The following ITPRID1 variants were observed in gnomAD, a reference collection of about 807,000 sequenced individuals.
ITPRID1 encodes ITPR interacting domain containing 1, also known as protein ITPRID1.
Under a neutral mutation model 95.4 loss-of-function variants are expected in ITPRID1, and 96 were observed. That is an observed-to-expected ratio of 1.01 (90% CI 0.85 to 1.19). The LOEUF is 1.19. Ranked by LOEUF, ITPRID1 falls within the 50% of genes most tolerant of loss-of-function variation. ITPRID1 has a pLI of 0.00. For synonymous variants in ITPRID1, 510 were observed against 453.6 expected, an observed-to-expected ratio of 1.12 and a Z score of -1.58; for missense variants, 1,339 against 1,252.9, an observed-to-expected ratio of 1.07 and a Z score of -1.04.
At chr7:31,529,655 A>G (rs1783531165) in intron 1 of ITPRID1, 7 of 872,126 alleles carry the variant, frequency 8.0e-6, no homozygotes, top group Non-Finnish European at 1.1e-5. Context: ...TTTAAATAGG[A>G]GCAGACAGAA....
At chr7:31,616,310 AGGGT>A (rs1414793417) in intron 10 of ITPRID1, among the ~76,000 whole-genome samples, 36 of 152,134 alleles carry the variant, frequency 2.4e-4, no homozygotes, top group African/African-American at 8.2e-4. Flanking sequence ...TTATCCCTTC[AGGGT>A]CTAGTAGTGA....
intron 5 of ITPRID1, 86 bp downstream of exon 5, chr7:31,554,987 G>A: frequency 2.0e-6 from 2 of 1,013,034 alleles, no homozygotes; most frequent in South Asian, 2.9e-5. Context: ...CTTAAAATGA[G>A]CATTATCAGA....
intron 10 of ITPRID1, among the ~76,000 whole-genome samples, chr7:31,596,834 C>T (rs1335377947): frequency 1.3e-5 from 2 of 151,544 alleles, no homozygotes; most frequent in African/African-American, 4.8e-5. Flanking sequence ...TTAGTTTTTA[C>T]TATCTAAAAT....
At chr7:31,550,461 A>G (rs1335337823) in intron 2 of ITPRID1, among the ~76,000 whole-genome samples, 1 of 152,158 alleles carries the variant, frequency 6.6e-6, no homozygotes, top group Non-Finnish European at 1.5e-5. Context: ...GTCTGCAGGC[A>G]GTCACATGCC....
chr7:31,613,242 A>G (rs1172116976), intron 10 of ITPRID1, among the ~76,000 whole-genome samples: 1 of 152,172 alleles, frequency 6.6e-6, no homozygotes, highest in African/African-American at 2.4e-5. Flanking sequence ...AGGGTAAGTT[A>G]AAGTGCCACG....
intron 10 of ITPRID1, among the ~76,000 whole-genome samples, chr7:31,641,114 G>A (rs1005952555): frequency 6.6e-6 from 1 of 152,128 alleles, no homozygotes. Flanking sequence ...GTTGTCTACA[G>A]GGAGAAGAAT....
chr7:31,520,280 G>A (rs1783198016), intron 1 of ITPRID1, among the ~76,000 whole-genome samples: 1 of 152,066 alleles, frequency 6.6e-6, no homozygotes, highest in African/African-American at 2.4e-5. Context: ...CTGAACACCT[G>A]CCTGAGATAG....
chr7:31,605,917 C>A (rs1272270464), intron 10 of ITPRID1, among the ~76,000 whole-genome samples: 1 of 152,170 alleles, frequency 6.6e-6, no homozygotes, highest in Non-Finnish European at 1.5e-5. Flanking sequence ...ATGATGATAT[C>A]TGACATGGTC....
chr7:31,641,477 G>GAA (rs5883299), intron 10 of ITPRID1, among the ~76,000 whole-genome samples: 2 of 150,994 alleles, frequency 1.3e-5, no homozygotes, highest in African/African-American at 4.9e-5. Context: ...TTAAAGAAGA[G>GAA]AAAAAAAAAT....
intron 10 of ITPRID1, among the ~76,000 whole-genome samples, chr7:31,603,123 A>G (rs956163995): frequency 6.6e-6 from 1 of 152,050 alleles, no homozygotes; most frequent in African/African-American, 2.4e-5. Flanking sequence ...TTGAATGCCA[A>G]TTTGGAGACG....
rs889595651 is a variant in ITPRID1 at position 31,653,843 on chromosome 7, T to C, written c.*1014T>C. ...AACACAGAAGGGAATCCGATTTAGA[T>C]CAATGTTCAGACAGCCCTGGTTGAG... On this transcript the variant is annotated 3_prime_UTR_variant, in exon 15 of 15. Coordinates refer to ENST00000615280, the MANE Select transcript of ITPRID1 (RefSeq NM_001257967.3). 6.6e-6 allele frequency among the ~76,000 whole-genome samples: 1 copy of C among 152,082 alleles called. No individual in the cohort carries two copies. Among genetic ancestry groups the C allele is most frequent in the Non-Finnish European group, 1.5e-5 (1 of 68,004 alleles).
intron 9 of ITPRID1, among the ~76,000 whole-genome samples, chr7:31,582,619 T>TA (rs1398561340): frequency 1.3e-5 from 2 of 152,168 alleles, no homozygotes; most frequent in African/African-American, 4.8e-5. Context: ...TTAGAAGTAA[T>TA]ATGCATTATT....
At chr7:31,525,667 T>A (rs56142405) in intron 1 of ITPRID1, among the ~76,000 whole-genome samples, 35,779 of 152,018 alleles carry the variant, frequency 0.24, 4,360 homozygotes, top group East Asian at 0.41. Flanking sequence ...TTGGGGAGCA[T>A]GCATGATGTG....
chr7:31,646,268 C>T (rs1362908574), intron 12 of ITPRID1, among the ~76,000 whole-genome samples: 8 of 152,182 alleles, frequency 5.3e-5, no homozygotes, highest in African/African-American at 7.2e-5. Flanking sequence ...GTCAGTAGCA[C>T]AGCCCAGTAA....
At chr7:31,612,686 G>A (rs539627179) in intron 10 of ITPRID1, among the ~76,000 whole-genome samples, 2 of 152,148 alleles carry the variant, frequency 1.3e-5, no homozygotes, top group South Asian at 2.1e-4. Context: ...CTGTGTTTTT[G>A]TTGGAGCATG....
intron 2 of ITPRID1, among the ~76,000 whole-genome samples, chr7:31,549,817 T>A (rs1784223445): frequency 6.6e-6 from 1 of 152,118 alleles, no homozygotes; most frequent in Non-Finnish European, 1.5e-5. Context: ...AGAGATTAAA[T>A]AAAACACAGT....
chr7:31,638,668 C>T (rs1190326990), intron 10 of ITPRID1, among the ~76,000 whole-genome samples: 1 of 152,150 alleles, frequency 6.6e-6, no homozygotes, highest in Non-Finnish European at 1.5e-5. Flanking sequence ...GAGAAATCTG[C>T]CATCCTTATC....
At chr7:31,526,320 A>G (rs1362381120) in intron 1 of ITPRID1, among the ~76,000 whole-genome samples, 2 of 152,216 alleles carry the variant, frequency 1.3e-5, no homozygotes, top group Non-Finnish European at 2.9e-5. Flanking sequence ...TTGGGGGTTA[A>G]CCCCATTATA....
chr7:31,651,078 C>A, intron 12 of ITPRID1, 64 bp from the exon 13 acceptor site: 2 of 1,555,924 alleles, frequency 1.3e-6, no homozygotes, highest in African/African-American at 1.4e-5. Flanking sequence ...CAGGCTCCAC[C>A]ATGGTGAGCT....
Sources: allele counts gnomAD v4.1 joint callset (sites outside exome capture counted in the v4.1 genomes callset), GRCh38; gene constraint gnomAD v4.1.1; transcripts MANE v1.5; gene names NCBI Gene and HGNC (gene_info 2026-07-23, HGNC 2026-07-21).